ZNF211: variants seen among roughly 807,000 people sequenced by gnomAD.
ZNF211 encodes the protein zinc finger protein 211.
In ZNF211, 18 loss-of-function variants were observed where a neutral mutation model predicts 12.1. That is an observed-to-expected ratio of 1.48 (90% confidence interval 1.03 to 2.20). The LOEUF (loss-of-function observed/expected upper bound fraction) is 2.20. Among genes scored for constraint, ZNF211 ranks in the 30% most tolerant of loss-of-function variants. The pLI is 0.00. For synonymous variants in ZNF211, 249 were observed against 246.0 expected (o/e 1.01, Z -0.11); for missense variants, 677 against 703.1 (o/e 0.96, Z 0.42).
intron 2 of ZNF211, 32 bp downstream of exon 2, chr19:57,634,093 C>G (rs748813146): frequency 2.0e-6 from 3 of 1,535,518 alleles, no homozygotes; most frequent in South Asian, 2.6e-5. Flanking sequence ...CCTCACTGGT[C>G]TGGAATGTCC....
Position 57,641,898 on chromosome 19 carries a change from A to G in ZNF211, c.1451A>G (p.His484Arg). 1 of 1,614,188 alleles carries G rather than the reference A, an allele frequency of 6.2e-7. No homozygotes were observed. Among genetic ancestry groups the G allele is most frequent in the Non-Finnish European group, 8.5e-7 (1 of 1,180,032 alleles). Residue 484 changes from histidine to arginine, a missense_variant, in exon 4 of 4, where the codon CAC becomes CGC. His to Arg is a conservative substitution (Grantham distance 29). Transcript: ENST00000240731. ...AGCCATAGCTCCAACCTTAAGAACC[A>G]CCAGAGAGTTCACACTGGAGAAAGA... ...SFSHSSNLKN[H>R]QRVHTGERPV...
intron 3 of ZNF211, among the ~76,000 whole-genome samples, chr19:57,635,732 A>G (rs893863429): frequency 2.0e-5 from 3 of 152,176 alleles, no homozygotes; most frequent in African/African-American, 7.2e-5. Flanking sequence ...CTTGCTTTCA[A>G]TTCTTTTGGG....
chr19:57,633,251 G>T lies in ZNF211; in HGVS notation c.-96G>T, dbSNP rs369088499. 4 of 1,215,826 alleles carry T rather than the reference G, an allele frequency of 3.3e-6. No individual in the cohort carries two copies. The highest frequency in any genetic ancestry group is 6.1e-5 in the Admixed American group (2 of 32,766). The allele number at this position is 1,215,826 out of a possible 1,614,324, so 75.3% of individuals were successfully genotyped here. On this transcript the variant is annotated 5_prime_UTR_variant, in exon 1 of 4. Coordinates refer to ENST00000240731, the MANE Select transcript of ZNF211 (RefSeq NM_006385.5). Reference sequence around the variant, plus strand: ...TTCTGTCTGTCAGCCGCTTTGGTACGCTGCATCGGGATCGAAGTGACGGAC... The same window carrying T: ...TTCTGTCTGTCAGCCGCTTTGGTACTCTGCATCGGGATCGAAGTGACGGAC...
At chr19:57,640,542 G>C (rs1982751851) in intron 3 of ZNF211, among the ~76,000 whole-genome samples, 162 bp from the exon 4 acceptor site, 1 of 152,208 alleles carries the variant, frequency 6.6e-6, no homozygotes, top group African/African-American at 2.4e-5. Flanking sequence ...TTAGGGACAA[G>C]TAATGCACAA....
At chr19:57,635,067 T>C (rs568172047) in intron 3 of ZNF211, 2 of 620,668 alleles carry the variant, frequency 3.2e-6, no homozygotes, top group East Asian at 1.4e-4. Context: ...CTAACATTTA[T>C]TTGTGCTAGA....
At position 57,633,225 on chromosome 19, in the gene ZNF211, G is replaced by C. The variant is rs925245885; in HGVS notation, c.-122G>C. On this transcript the variant is annotated 5_prime_UTR_variant, in exon 1 of 4. Transcript: ENST00000240731. ...ATTTTGGCTGCCCTCCCGGAGGTCC[G>C]TTCTGTCTGTCAGCCGCTTTGGTAC... 1 of 1,031,374 alleles carries C rather than the reference G, an allele frequency of 9.7e-7. No homozygotes were observed. The highest frequency in any genetic ancestry group is 1.3e-6 in the Non-Finnish European group (1 of 748,812). The allele number at this position is 1,031,374 out of a possible 1,614,324, so 63.9% of individuals were successfully genotyped here. A position where few individuals can be genotyped will look rare whatever the true frequency, so the allele number is the denominator to read the frequency against.
chr19:57,638,838 C>G (rs1266872661), intron 3 of ZNF211, among the ~76,000 whole-genome samples: 2 of 152,120 alleles, frequency 1.3e-5, no homozygotes, highest in Non-Finnish European at 1.5e-5. Context: ...ATCCATTTCT[C>G]CCTTCAGTTC....
intron 2 of ZNF211, chr19:57,634,321 G>A (rs1424745242): frequency 4.2e-6 from 2 of 474,306 alleles, no homozygotes; most frequent in African/African-American, 4.0e-5. Flanking sequence ...TTGGAGGTGA[G>A]GCTGAGCTGG....
intron 3 of ZNF211, chr19:57,640,107 C>G: frequency 4.6e-6 from 7 of 1,522,504 alleles, no homozygotes; most frequent in Non-Finnish European, 6.1e-6. Context: ...TCCTGTTTGA[C>G]TTGTCTTGAT....
At chr19:57,636,573 G>T (rs1982170293) in intron 3 of ZNF211, among the ~76,000 whole-genome samples, 1 of 152,138 alleles carries the variant, frequency 6.6e-6, no homozygotes, top group African/African-American at 2.4e-5. Flanking sequence ...TGATCTATAT[G>T]TCTTTCTTTA....
At chr19:57,634,548 G>A in intron 2 of ZNF211, 81 bp from the exon 3 acceptor site, 2 of 1,430,288 alleles carry the variant, frequency 1.4e-6, no homozygotes, top group Non-Finnish European at 1.8e-6. Flanking sequence ...GGGGATCTTG[G>A]GAGGAGAATG....
At chr19:57,640,095 T>C (rs1319885573) in intron 3 of ZNF211, 56 of 1,528,744 alleles carry the variant, frequency 3.7e-5, no homozygotes, top group Non-Finnish European at 4.9e-5. Flanking sequence ...ACCAGGAACC[T>C]GTCCTGTTTG....
chr19:57,639,479 GGGCGATCTC>G (rs1982600623), intron 3 of ZNF211, among the ~76,000 whole-genome samples: 1 of 140,548 alleles, frequency 7.1e-6, no homozygotes, highest in Non-Finnish European at 1.5e-5. Context: ...GAGTGCAGTG[GGGCGATCTC>G]GGCTCACTGC....
intron 3 of ZNF211, among the ~76,000 whole-genome samples, chr19:57,635,682 T>C (rs949926704): frequency 1.1e-4 from 17 of 152,240 alleles, no homozygotes; most frequent in African/African-American, 4.1e-4. Flanking sequence ...TTGTGAATAA[T>C]ATTACTGTGA....
At position 57,633,236 on chromosome 19, in the gene ZNF211, C is replaced by A. The variant is rs2122153059; in HGVS notation, c.-111C>A. The A allele has an allele frequency of 8.9e-7, 1 of 1,129,596 alleles. No homozygotes were observed. The highest frequency in any genetic ancestry group is 1.2e-6 in the Non-Finnish European group (1 of 833,336). The allele number at this position is 1,129,596 out of a possible 1,614,324, so 70.0% of individuals were successfully genotyped here. On this transcript the variant is annotated 5_prime_UTR_variant, in exon 1 of 4. Transcript: ENST00000240731. Reference sequence around the variant, plus strand: ...CCTCCCGGAGGTCCGTTCTGTCTGTCAGCCGCTTTGGTACGCTGCATCGGG... The same window carrying A: ...CCTCCCGGAGGTCCGTTCTGTCTGTAAGCCGCTTTGGTACGCTGCATCGGG...
At chr19:57,635,528 CATA>C (rs1335032747) in intron 3 of ZNF211, among the ~76,000 whole-genome samples, 3 of 152,196 alleles carry the variant, frequency 2.0e-5, no homozygotes, top group Admixed American at 6.5e-5. Flanking sequence ...CTTCACTTAG[CATA>C]ATATCTTCAA....
At chr19:57,634,426 C>A in intron 2 of ZNF211, 2 of 573,716 alleles carry the variant, frequency 3.5e-6, no homozygotes, top group Non-Finnish European at 5.5e-6. Context: ...ATTTATCTAA[C>A]CCAAGTGTTG....
At chr19:57,639,382 A>T (rs1599964376) in intron 3 of ZNF211, among the ~76,000 whole-genome samples, 2 of 48,378 alleles carry the variant, frequency 4.1e-5, no homozygotes, top group Admixed American at 2.0e-4. Context: ...TTTTAGTGAA[A>T]CTTCCCTTGT....
intron 3 of ZNF211, among the ~76,000 whole-genome samples, chr19:57,637,159 T>G (rs59114693): frequency 2.3e-4 from 35 of 152,136 alleles, no homozygotes; most frequent in Non-Finnish European, 4.3e-4. Context: ...CTTTCCCATT[T>G]TGGTCCCTTT....
Sources: gnomAD v4.1 joint callset for allele counts (sites outside exome capture counted in the v4.1 genomes callset) on GRCh38, gnomAD v4.1.1 for gene constraint, MANE v1.5 for transcripts, NCBI Gene and HGNC (gene_info 2026-07-23, HGNC 2026-07-21) for gene names.